The following ADAM2 variants were observed in gnomAD, a reference collection of about 807,000 sequenced individuals.
ADAM2 encodes disintegrin and metalloproteinase domain-containing protein 2.
In ADAM2, 101 loss-of-function variants were observed where a neutral mutation model predicts 99.3. The observed-to-expected ratio is 1.02, with a 90% CI of 0.87 to 1.20. ADAM2 has a LOEUF of 1.20. Among genes scored for constraint, ADAM2 ranks in the 50% most tolerant of loss-of-function variants. The pLI, the probability that ADAM2 is intolerant of heterozygous loss-of-function variation, is 0.00. For synonymous variants in ADAM2, 323 were observed against 287.6 expected, an observed-to-expected ratio of 1.12 and a Z score of -1.25; for missense variants, 948 against 878.7, an observed-to-expected ratio of 1.08 and a Z score of -1.00.
intron 15 of ADAM2, among the ~76,000 whole-genome samples, chr8:39,757,359 G>C (rs1012744988): frequency 6.6e-6 from 1 of 152,064 alleles, no homozygotes; most frequent in African/African-American, 2.4e-5. Flanking sequence ...CTATATAACT[G>C]AGCTTTAAGA....
intron 15 of ADAM2, among the ~76,000 whole-genome samples, chr8:39,757,324 C>T (rs1048865652): frequency 2.0e-5 from 3 of 151,832 alleles, no homozygotes; most frequent in East Asian, 1.9e-4. Flanking sequence ...TTGAAGACAC[C>T]GGAATGTAAC....
intron 16 of ADAM2, among the ~76,000 whole-genome samples, chr8:39,750,992 C>T (rs1489415333): frequency 6.6e-6 from 1 of 152,066 alleles, no homozygotes; most frequent in African/African-American, 2.4e-5. Context: ...GATTTTTCCT[C>T]TTATAATATA....
chr8:39,749,932 A>C (rs1563333342), intron 16 of ADAM2, among the ~76,000 whole-genome samples, 188 bp from the exon 17 acceptor site: 1 of 152,104 alleles, frequency 6.6e-6, no homozygotes, highest in Non-Finnish European at 1.5e-5. Flanking sequence ...ACTAGATGAG[A>C]CTCTGATTAT....
At chr8:39,813,783 G>T (rs559534013) in intron 6 of ADAM2, among the ~76,000 whole-genome samples, 2 of 151,910 alleles carry the variant, frequency 1.3e-5, no homozygotes, top group Non-Finnish European at 1.5e-5. Flanking sequence ...GGTTGCGGGC[G>T]GGGAGGGATA....
chr8:39,744,526 A>C (rs1046511898), intron 20 of ADAM2, among the ~76,000 whole-genome samples: 16 of 151,950 alleles, frequency 1.1e-4, no homozygotes, highest in African/African-American at 3.6e-4. Flanking sequence ...CAACAAACAC[A>C]CACAGGAACA....
At chr8:39,744,253 G>A (rs920959820) in intron 20 of ADAM2, among the ~76,000 whole-genome samples, 189 bp from the exon 21 acceptor site, 54 of 152,086 alleles carry the variant, frequency 3.6e-4, no homozygotes, top group African/African-American at 1.2e-3. Flanking sequence ...AAATAACACT[G>A]TAATAAATTT....
rs1802866819 is a variant in ADAM2 at position 39,773,538 on chromosome 8, C to T, written c.1028+3487G>A. On this transcript the variant is annotated intron_variant, in intron 11 of 20. Transcript: ENST00000265708. Reference sequence around the variant, plus strand: ...GTTAGAGTGATTATAAAAAGAAACTCAAATGATCAGTACCAGAGATAAAAG... The same window carrying T: ...GTTAGAGTGATTATAAAAAGAAACTTAAATGATCAGTACCAGAGATAAAAG... Among the ~76,000 whole-genome samples the T allele has an allele frequency of 3.3e-5, 5 of 151,410 alleles. No individual in the cohort carries two copies. In the South Asian group the frequency reaches 1.0e-3, roughly 32 times the overall value.
At chr8:39,745,855 AAGAT>A (rs1422043951) in intron 19 of ADAM2, among the ~76,000 whole-genome samples, 3 of 152,122 alleles carry the variant, frequency 2.0e-5, no homozygotes, top group Non-Finnish European at 2.9e-5. Context: ...ATAATAAAAG[AAGAT>A]AGATAAACTT....
In ADAM2 at chr8:39,787,001, A is replaced by G; in HGVS notation, c.864T>C (p.Asp288=). The G allele has an allele frequency of 1.9e-6, 3 of 1,593,236 alleles. No homozygotes were observed. Among genetic ancestry groups the G allele is most frequent in the Non-Finnish European group, 1.7e-6 (2 of 1,169,626 alleles). Reference sequence around the variant, plus strand: ...GAACAACACCTCCTGCATAGTTTGCATCACACATCTTCCCTTGAAAGGTTG... The same window carrying G: ...GAACAACACCTCCTGCATAGTTTGCGTCACACATCTTCCCTTGAAAGGTTG... ...VGATFQGKMC[D]ANYAGGVVLH... Residue 288 remains aspartate (D), a synonymous_variant, in exon 10 of 21, where the codon GAT becomes GAC. Coordinates refer to ENST00000265708, the MANE Select transcript of ADAM2 (RefSeq NM_001464.5).
chr8:39,796,700 T>A (rs1261800759), intron 7 of ADAM2, among the ~76,000 whole-genome samples: 2 of 152,108 alleles, frequency 1.3e-5, no homozygotes, highest in African/African-American at 4.8e-5. Flanking sequence ...GTCTCCAGCA[T>A]CTATTATTTC....
chr8:39,745,997 G>C (rs918378289), intron 19 of ADAM2, among the ~76,000 whole-genome samples: 1 of 135,684 alleles, frequency 7.4e-6, no homozygotes, highest in African/African-American at 2.8e-5. Context: ...ATGTGTGTGT[G>C]TGTGTGCATG....
intron 19 of ADAM2, among the ~76,000 whole-genome samples, chr8:39,745,459 A>T (rs577010564): frequency 6.6e-6 from 1 of 152,110 alleles, no homozygotes; most frequent in Non-Finnish European, 1.5e-5. Context: ...AAAATGAAGG[A>T]CATAGTTATA....
At chr8:39,783,502 T>C (rs1449564298) in intron 10 of ADAM2, among the ~76,000 whole-genome samples, 1 of 152,178 alleles carries the variant, frequency 6.6e-6, no homozygotes. Flanking sequence ...TCATTATTTC[T>C]TCTAGAACAT....
At chr8:39,811,879 G>GTCC (rs1300899361) in intron 6 of ADAM2, among the ~76,000 whole-genome samples, 1 of 152,178 alleles carries the variant, frequency 6.6e-6, no homozygotes, top group Non-Finnish European at 1.5e-5. Flanking sequence ...AGACAGGGAT[G>GTCC]TCCTCTCTCA....
At chr8:39,790,227 T>G (rs921227410) in intron 7 of ADAM2, among the ~76,000 whole-genome samples, 2 of 151,908 alleles carry the variant, frequency 1.3e-5, no homozygotes, top group African/African-American at 4.8e-5. Flanking sequence ...CACAAAAATT[T>G]GTACACAAAT....
chr8:39,837,361 G>T (rs1586175248), intron 1 of ADAM2, 149 bp from the exon 2 acceptor site: 16 of 512,688 alleles, frequency 3.1e-5, no homozygotes, highest in Middle Eastern at 4.9e-4. Context: ...ATACAAGGAG[G>T]TTTTTTTTTC....
intron 3 of ADAM2, among the ~76,000 whole-genome samples, chr8:39,826,882 T>C (rs2129588738): frequency 6.6e-6 from 1 of 152,022 alleles, no homozygotes; most frequent in African/African-American, 2.4e-5. Flanking sequence ...AAACCAAAAC[T>C]AGACAAAAAC....
intron 10 of ADAM2, among the ~76,000 whole-genome samples, chr8:39,779,506 A>G (rs1803134948): frequency 6.6e-6 from 1 of 152,174 alleles, no homozygotes; most frequent in Non-Finnish European, 1.5e-5. Context: ...AAAAAATTTT[A>G]AAGATATGGA....
chr8:39,796,144 T>C (rs951731666), intron 7 of ADAM2, among the ~76,000 whole-genome samples: 4 of 151,958 alleles, frequency 2.6e-5, no homozygotes, highest in African/African-American at 9.7e-5. Context: ...ATGTGTGCCA[T>C]GGTGGTTTCC....
Sources: gnomAD v4.1 joint callset for allele counts (sites outside exome capture counted in the v4.1 genomes callset) on GRCh38, gnomAD v4.1.1 for gene constraint, MANE v1.5 for transcripts, NCBI Gene and HGNC (gene_info 2026-07-23, HGNC 2026-07-21) for gene names.